Variants in KLHL1 observed in about 807,000 individuals in gnomAD.
KLHL1 encodes kelch-like protein 1.
A neutral mutation model predicts 77.7 loss-of-function variants in KLHL1; 47 were observed. That is an observed-to-expected ratio of 0.60 (90% CI 0.48 to 0.77). The LOEUF (loss-of-function observed/expected upper bound fraction) is 0.77. KLHL1 is among the 30% of genes least tolerant of loss of function. The pLI, the probability that KLHL1 is intolerant of heterozygous loss-of-function variation, is 0.00. For synonymous variants in KLHL1, 360 were observed against 325.2 expected, an observed-to-expected ratio of 1.11 and a Z score of -1.15; for missense variants, 925 against 910.8, an observed-to-expected ratio of 1.02 and a Z score of -0.20.
chr13:69,803,871 A>G (rs1310035441), intron 6 of KLHL1, among the ~76,000 whole-genome samples: 1 of 152,210 alleles, frequency 6.6e-6, no homozygotes, highest in East Asian at 1.9e-4. Flanking sequence ...CATTTTGTCA[A>G]CAATCAAAAT....
intron 1 of KLHL1, among the ~76,000 whole-genome samples, chr13:70,062,167 G>T (rs1412219737): frequency 6.6e-6 from 1 of 152,010 alleles, no homozygotes; most frequent in East Asian, 1.9e-4. Context: ...AAGCACGCTT[G>T]TATTTTCTGA....
intron 1 of KLHL1, among the ~76,000 whole-genome samples, chr13:70,029,616 A>G (rs1387094543): frequency 6.6e-6 from 1 of 152,222 alleles, no homozygotes; most frequent in Non-Finnish European, 1.5e-5. Context: ...CTAAACATGG[A>G]AAGGAACAAC....
chr13:70,031,171 A>G (rs908548403), intron 1 of KLHL1, among the ~76,000 whole-genome samples: 14 of 152,200 alleles, frequency 9.2e-5, no homozygotes, highest in Non-Finnish European at 7.3e-5. Flanking sequence ...CAATGGAATG[A>G]AGGCAGAAAT....
chr13:70,100,420 A>T (rs928570944), intron 1 of KLHL1, among the ~76,000 whole-genome samples: 1 of 152,054 alleles, frequency 6.6e-6, no homozygotes, highest in Non-Finnish European at 1.5e-5. Flanking sequence ...GATTTCATCA[A>T]TTTTTTTATA....
chr13:69,893,422 G>C (rs1330259676), intron 4 of KLHL1, among the ~76,000 whole-genome samples: 1 of 151,888 alleles, frequency 6.6e-6, no homozygotes, highest in Non-Finnish European at 1.5e-5. Context: ...TTTTAGTAGA[G>C]ACGGGGTTTC....
intron 1 of KLHL1, among the ~76,000 whole-genome samples, chr13:70,090,068 C>G (rs1887636942): frequency 6.6e-6 from 1 of 152,028 alleles, no homozygotes; most frequent in South Asian, 2.1e-4. Context: ...AATCCTAACT[C>G]TGTTTTTATA....
At chr13:70,027,373 T>C (rs56215515) in intron 1 of KLHL1, among the ~76,000 whole-genome samples, 39,851 of 125,736 alleles carry the variant, frequency 0.32, 5,799 homozygotes, top group East Asian at 0.63. Flanking sequence ...TTAGAGCCAG[T>C]TGAAAGTGAA....
intron 7 of KLHL1, among the ~76,000 whole-genome samples, chr13:69,750,419 A>C (rs1874419689): frequency 1.3e-5 from 2 of 151,808 alleles, no homozygotes; most frequent in African/African-American, 4.8e-5. Context: ...AATAACTTGC[A>C]TATTAAGGAA....
chr13:69,766,421 T>C (rs1027722381), intron 7 of KLHL1, among the ~76,000 whole-genome samples: 4 of 151,400 alleles, frequency 2.6e-5, no homozygotes, highest in Non-Finnish European at 5.9e-5. Flanking sequence ...ATGCATTTCA[T>C]ATATTTTTGA....
chr13:69,772,463 G>A (rs1277643752), intron 7 of KLHL1, among the ~76,000 whole-genome samples: 1 of 151,910 alleles, frequency 6.6e-6, no homozygotes, highest in Non-Finnish European at 1.5e-5. Context: ...TTTTCTCAGT[G>A]ATACAGTCAC....
intron 6 of KLHL1, among the ~76,000 whole-genome samples, chr13:69,823,647 A>G (rs1301236674): frequency 6.6e-6 from 1 of 152,036 alleles, no homozygotes; most frequent in African/African-American, 2.4e-5. Context: ...TTTCTTTTGT[A>G]TAAGTCACTT....
intron 1 of KLHL1, among the ~76,000 whole-genome samples, chr13:70,065,997 T>C (rs974666310): frequency 1.3e-5 from 2 of 152,200 alleles, no homozygotes; most frequent in Non-Finnish European, 2.9e-5. Context: ...ATTAAGGCAT[T>C]AACTAAAGAC....
chr13:69,861,066 G>A (rs973540), intron 5 of KLHL1, among the ~76,000 whole-genome samples: 48,449 of 151,856 alleles, frequency 0.32, 8,238 homozygotes, highest in African/African-American at 0.45. Flanking sequence ...GTAAAATAAA[G>A]TATGTTTTTA....
intron 1 of KLHL1, among the ~76,000 whole-genome samples, chr13:70,055,442 A>T (rs1886722015): frequency 6.6e-6 from 1 of 152,206 alleles, no homozygotes. Flanking sequence ...TTTGAAAAAA[A>T]GGATGTTAAC....
At chr13:69,812,558 G>A (rs1387954823) in intron 6 of KLHL1, among the ~76,000 whole-genome samples, 2 of 151,990 alleles carry the variant, frequency 1.3e-5, no homozygotes, top group Non-Finnish European at 1.5e-5. Flanking sequence ...GGGAGAAAAT[G>A]TTTGCAATCT....
At chr13:69,708,683 AGCAAAACCC>A (rs1875742682) in intron 9 of KLHL1, among the ~76,000 whole-genome samples, 2 of 152,186 alleles carry the variant, frequency 1.3e-5, no homozygotes, top group South Asian at 4.1e-4. Context: ...TATTTTGAGT[AGCAAAACCC>A]TGAAGACTCC....
intron 2 of KLHL1, among the ~76,000 whole-genome samples, chr13:69,974,025 T>C (rs891366865): frequency 6.6e-5 from 10 of 152,012 alleles, no homozygotes; most frequent in African/African-American, 2.4e-4. Flanking sequence ...CCTGGTCTTC[T>C]TTAGGTGGGT....
chr13:69,912,133 CTGG>C (rs1469763461), intron 4 of KLHL1, among the ~76,000 whole-genome samples: 1 of 152,150 alleles, frequency 6.6e-6, no homozygotes, highest in Admixed American at 6.5e-5. Flanking sequence ...AGCTTTAAAA[CTGG>C]TGATCATCCA....
chr13:69,820,724 T>C (rs1354701992), intron 6 of KLHL1, among the ~76,000 whole-genome samples: 1 of 152,192 alleles, frequency 6.6e-6, no homozygotes, highest in Non-Finnish European at 1.5e-5. Context: ...TCTGCATACA[T>C]CAAAGAATGC....
Sources: gnomAD v4.1 joint callset for allele counts (sites outside exome capture counted in the v4.1 genomes callset) on GRCh38, gnomAD v4.1.1 for gene constraint, MANE v1.5 for transcripts, NCBI Gene and HGNC (gene_info 2026-07-23, HGNC 2026-07-21) for gene names.